CPE: variants seen among roughly 807,000 people sequenced by gnomAD.
CPE encodes the protein carboxypeptidase E, also known as carbocypeptidase E.
In CPE, 17 loss-of-function variants were observed where a neutral mutation model predicts 53.5. The observed-to-expected ratio is 0.32, with a 90% CI of 0.22 to 0.48. The LOEUF (loss-of-function observed/expected upper bound fraction) is 0.48. Among genes scored for constraint, CPE ranks in the 20% least tolerant of loss-of-function variants. The pLI is 0.99. For synonymous variants in CPE, 226 were observed against 228.8 expected (o/e 0.99, Z 0.11); for missense variants, 524 against 614.7 (o/e 0.85, Z 1.56).
chr4:165,492,591 A>G (rs1363410339), intron 6 of CPE, among the ~76,000 whole-genome samples: 1 of 152,018 alleles, frequency 6.6e-6, no homozygotes, highest in African/African-American at 2.4e-5. Flanking sequence ...AGGGCTTACA[A>G]CTCTAAGGGG....
intron 1 of CPE, among the ~76,000 whole-genome samples, chr4:165,383,182 A>G (rs1490459433): frequency 6.6e-6 from 1 of 152,140 alleles, no homozygotes; most frequent in East Asian, 1.9e-4. Flanking sequence ...ATGGGCTTAG[A>G]CTAGGCTAGG....
At chr4:165,433,231 G>T (rs771223518) in intron 1 of CPE, among the ~76,000 whole-genome samples, 2 of 152,102 alleles carry the variant, frequency 1.3e-5, no homozygotes, top group Non-Finnish European at 2.9e-5. Context: ...ATTGGTTAAG[G>T]ACTAAAAGTG....
intron 1 of CPE, among the ~76,000 whole-genome samples, chr4:165,462,898 C>A (rs1439794114): frequency 2.0e-5 from 3 of 152,162 alleles, no homozygotes; most frequent in Non-Finnish European, 4.4e-5. Flanking sequence ...ACTCAGGAAT[C>A]TCATGCAAAG....
chr4:165,466,956 CA>C (rs530317721), intron 2 of CPE, among the ~76,000 whole-genome samples: 118 of 152,318 alleles, frequency 7.7e-4, no homozygotes, highest in African/African-American at 2.7e-3. Context: ...CTTTATTCTA[CA>C]AGCTTTTTTC....
chr4:165,489,015 T>C lies in CPE; in HGVS notation c.1113+1438T>C, dbSNP rs182714078. ...TTCCACTGGATTCTTTTTAAATCAA[T>C]GGATTCCTGCTGCATGTTAGCTTAA... On this transcript the variant is annotated intron_variant, in intron 6 of 8. Coordinates refer to ENST00000402744, the MANE Select transcript of CPE (RefSeq NM_001873.4). Among the ~76,000 whole-genome samples the C allele has an allele frequency of 2.1e-3, 313 of 152,300 alleles. 2 individuals carry two copies. Among genetic ancestry groups the C allele is most frequent in the Non-Finnish European group, 3.9e-3 (264 of 68,020 alleles).
chr4:165,447,122 T>C (rs1731729752), intron 1 of CPE, among the ~76,000 whole-genome samples: 1 of 152,190 alleles, frequency 6.6e-6, no homozygotes, highest in African/African-American at 2.4e-5. Flanking sequence ...TTAAAAATGG[T>C]ACACCTGTAT....
chr4:165,388,702 A>G (rs1416428942), intron 1 of CPE, among the ~76,000 whole-genome samples: 3 of 152,348 alleles, frequency 2.0e-5, no homozygotes, highest in Non-Finnish European at 2.9e-5. Flanking sequence ...AAACACAAAG[A>G]CAATATCTGT....
chr4:165,406,964 A>T (rs888444073), intron 1 of CPE, among the ~76,000 whole-genome samples: 1 of 152,182 alleles, frequency 6.6e-6, no homozygotes, highest in African/African-American at 2.4e-5. Flanking sequence ...TGGATTTACC[A>T]TATTTTGTTT....
At chr4:165,473,055 G>A (rs1344643618) in intron 3 of CPE, among the ~76,000 whole-genome samples, 1 of 152,150 alleles carries the variant, frequency 6.6e-6, no homozygotes, top group East Asian at 1.9e-4. Flanking sequence ...AGCTTTAAAG[G>A]CAGCAAGTTG....
At chr4:165,475,292 C>G (rs1579278556) in intron 3 of CPE, among the ~76,000 whole-genome samples, 1 of 152,120 alleles carries the variant, frequency 6.6e-6, no homozygotes, top group African/African-American at 2.4e-5. Context: ...TGGAGGGTAA[C>G]AGGGACAAAA....
chr4:165,475,865 GCC>G (rs1187329216), intron 3 of CPE, among the ~76,000 whole-genome samples: 37 of 152,298 alleles, frequency 2.4e-4, no homozygotes, highest in Non-Finnish European at 4.3e-4. Flanking sequence ...CGGGAGCAGA[GCC>G]ATTGTGGCTG....
chr4:165,452,791 G>T (rs1731834381), intron 1 of CPE, among the ~76,000 whole-genome samples: 1 of 151,980 alleles, frequency 6.6e-6, no homozygotes, highest in Non-Finnish European at 1.5e-5. Context: ...CTTCTTCCCA[G>T]ATCATTCCTT....
chr4:165,455,511 A>C (rs1231616837), intron 1 of CPE, among the ~76,000 whole-genome samples: 3 of 152,226 alleles, frequency 2.0e-5, no homozygotes, highest in Non-Finnish European at 4.4e-5. Context: ...TTTAAAAAAT[A>C]ATTATGGTCT....
At chr4:165,470,929 C>T (rs376713149) in intron 3 of CPE, among the ~76,000 whole-genome samples, 35 of 152,104 alleles carry the variant, frequency 2.3e-4, no homozygotes, top group African/African-American at 8.4e-4. Flanking sequence ...TGGAATTAAG[C>T]CTCTGTCATG....
intron 1 of CPE, among the ~76,000 whole-genome samples, chr4:165,436,829 C>T (rs1731510186): frequency 6.6e-6 from 1 of 152,284 alleles, no homozygotes; most frequent in Admixed American, 6.5e-5. Flanking sequence ...TAAAATAAAT[C>T]TTTTCTTTAA....
intron 1 of CPE, among the ~76,000 whole-genome samples, chr4:165,407,043 T>C (rs1730965111): frequency 6.6e-6 from 1 of 152,254 alleles, no homozygotes; most frequent in Admixed American, 6.5e-5. Flanking sequence ...AGGCTGCTGC[T>C]ATGGCACTTA....
intron 8 of CPE, among the ~76,000 whole-genome samples, chr4:165,496,371 A>G (rs1484644723): frequency 6.6e-6 from 1 of 152,194 alleles, no homozygotes; most frequent in African/African-American, 2.4e-5. Flanking sequence ...TTTAACTGGT[A>G]TATGGTTTTG....
intron 1 of CPE, among the ~76,000 whole-genome samples, chr4:165,431,113 C>T (rs539372786): frequency 3.5e-4 from 54 of 152,312 alleles, no homozygotes; most frequent in African/African-American, 1.2e-3. Flanking sequence ...TCATAGATCT[C>T]CTGATACTGA....
At chr4:165,464,953 G>A (rs1732072750) in intron 2 of CPE, among the ~76,000 whole-genome samples, 1 of 152,132 alleles carries the variant, frequency 6.6e-6, no homozygotes, top group African/African-American at 2.4e-5. Context: ...AACGCCATGG[G>A]TGTATGTGGA....
Sources: gnomAD v4.1 joint callset for allele counts (sites outside exome capture counted in the v4.1 genomes callset) on GRCh38, gnomAD v4.1.1 for gene constraint, MANE v1.5 for transcripts, NCBI Gene and HGNC (gene_info 2026-07-23, HGNC 2026-07-21) for gene names.